The following PALM2AKAP2 variants were observed in gnomAD, a reference collection of about 807,000 sequenced individuals.
PALM2AKAP2 encodes the protein PALM2 and AKAP2 fusion, also known as PALM2-AKAP2 fusion protein.
PALM2AKAP2 carries 37 observed loss-of-function variants against 71.5 expected under a neutral mutation model. That is an observed-to-expected ratio of 0.52 (90% confidence interval 0.40 to 0.68). The LOEUF (loss-of-function observed/expected upper bound fraction) is 0.68, where lower values mean the gene tolerates loss of function less well. PALM2AKAP2 is among the 30% of genes least tolerant of loss of function. PALM2AKAP2 has a pLI of 0.00. For missense variants in PALM2AKAP2, 1,224 were observed against 1,191.8 expected (o/e 1.03, Z -0.40); for synonymous variants, 468 against 478.8 (o/e 0.98, Z 0.29).
At chr9:109,796,399 G>A (rs1255600767) in intron 1 of PALM2AKAP2, among the ~76,000 whole-genome samples, 1 of 152,098 alleles carries the variant, frequency 6.6e-6, no homozygotes, top group African/African-American at 2.4e-5. Flanking sequence ...GTAAAATCTA[G>A]TGGCAGTTCT....
At position 110,030,382 on chromosome 9, in the gene PALM2AKAP2, G is replaced by T. The variant is rs142416737; in HGVS notation, c.582+14343G>T. Among the ~76,000 whole-genome samples, 627 of 152,294 alleles carry T rather than the reference G, an allele frequency of 4.1e-3. 3 individuals are homozygous for T. Among genetic ancestry groups the T allele is most frequent in the African/African-American group, 0.014 (601 of 41,560 alleles). ...GTTGCTAATGGCAACTCAAGGAAGA[G>T]ACCAGAAGTAATTGTTTTCTTCTCT... On this transcript the variant is annotated intron_variant, in intron 7 of 9. Transcript: ENST00000302798.
intron 1 of PALM2AKAP2, among the ~76,000 whole-genome samples, chr9:110,117,472 T>A (rs950986059): frequency 1.3e-5 from 2 of 152,180 alleles, no homozygotes. Flanking sequence ...CCACTTCAGC[T>A]TTTCATCACC....
In PALM2AKAP2 at chr9:109,674,989, T is replaced by C. The variant is rs575078982; in HGVS notation, c.5+34123T>C. On this transcript the variant is annotated intron_variant, in intron 1 of 6. Coordinates refer to the PALM2AKAP2 transcript ENST00000374531. ...ACTTTCAGTATAATACTCAATAAAT[T>C]ACATGAGATACTCAACATTTTGTTA... Among the ~76,000 whole-genome samples the C allele has an allele frequency of 7.0e-4, 107 of 152,198 alleles. 1 individual carries two copies. The highest frequency in any genetic ancestry group is 2.7e-3 in the Admixed American group (41 of 15,278).
chr9:109,774,009 G>T (rs1587903338), intron 1 of PALM2AKAP2, among the ~76,000 whole-genome samples: 1 of 152,222 alleles, frequency 6.6e-6, no homozygotes, highest in Admixed American at 6.5e-5. Flanking sequence ...AGCCAGCAGG[G>T]TGGACAGGAT....
chr9:109,930,245 AGACAG>A (rs763261376), intron 5 of PALM2AKAP2, among the ~76,000 whole-genome samples: 288 of 146,522 alleles, frequency 2.0e-3, no homozygotes, highest in Non-Finnish European at 3.7e-3. Context: ...TTTTTTTTTG[AGACAG>A]AGTCTCACTC....
At chr9:109,962,028 C>T (rs1831860373) in intron 6 of PALM2AKAP2, among the ~76,000 whole-genome samples, 1 of 152,198 alleles carries the variant, frequency 6.6e-6, no homozygotes. Flanking sequence ...ACCAACATTG[C>T]ATGGGAGAGA....
At chr9:109,677,463 T>C (rs1827663991) in intron 1 of PALM2AKAP2, among the ~76,000 whole-genome samples, 1 of 151,768 alleles carries the variant, frequency 6.6e-6, no homozygotes, top group Non-Finnish European at 1.5e-5. Flanking sequence ...AGCTCAGGAG[T>C]TGAAGACCAG....
intron 1 of PALM2AKAP2, among the ~76,000 whole-genome samples, chr9:109,844,958 T>C (rs1469613966): frequency 6.7e-6 from 1 of 148,804 alleles, no homozygotes; most frequent in Non-Finnish European, 1.5e-5. Context: ...TGTGTGTGTG[T>C]GCATGTGCAC....
At chr9:109,868,721 A>T (rs1564188363) in intron 2 of PALM2AKAP2, among the ~76,000 whole-genome samples, 1 of 152,180 alleles carries the variant, frequency 6.6e-6, no homozygotes, top group Non-Finnish European at 1.5e-5. Context: ...TAACCAGAGA[A>T]ATGTGCTTAA....
At position 109,743,562 on chromosome 9, in the gene PALM2AKAP2, G is replaced by A. The variant is rs185156879; in HGVS notation, c.6-36926G>A. On this transcript the variant is annotated intron_variant, in intron 1 of 6. Coordinates refer to the PALM2AKAP2 transcript ENST00000374531. Reference sequence around the variant, plus strand: ...CTCACCTTATTTAAATATTTATATTGAAGAAGTAAGTTATAGGAAAGACTA... The same window carrying A: ...CTCACCTTATTTAAATATTTATATTAAAGAAGTAAGTTATAGGAAAGACTA... 3.3e-4 allele frequency among the ~76,000 whole-genome samples: 51 copies of A among 152,282 alleles called. 2 individuals carry two copies. The East Asian group carries it at 8.5e-3, about 25-fold the overall frequency.
At position 109,970,955 on chromosome 9, in the gene PALM2AKAP2, TA is replaced by T. The variant is rs375714521; in HGVS notation, c.496+38933del. ...AGACCCTGTGTCTACAAAAAAAATT[TA>T]AAAAATTATCTGGGCATGGTGGCAT... On this transcript the variant is annotated intron_variant, in intron 6 of 9. Transcript: ENST00000302798. 3.2e-3 allele frequency among the ~76,000 whole-genome samples: 484 copies of T among 152,072 alleles called. 1 individual carries two copies. The highest frequency in any genetic ancestry group is 0.011 in the East Asian group (56 of 5,172).
At chr9:109,784,869 TG>T (rs1392222012) in intron 1 of PALM2AKAP2, among the ~76,000 whole-genome samples, 4 of 152,098 alleles carry the variant, frequency 2.6e-5, no homozygotes, top group Non-Finnish European at 5.9e-5. Flanking sequence ...TCCATTGCAA[TG>T]GGAAAGCTTG....
chr9:109,828,749 G>A (rs1345990238), intron 1 of PALM2AKAP2, among the ~76,000 whole-genome samples: 1 of 152,236 alleles, frequency 6.6e-6, no homozygotes, highest in East Asian at 1.9e-4. Flanking sequence ...TGAATGTTGT[G>A]ACACTGACAT....
intron 3 of PALM2AKAP2, among the ~76,000 whole-genome samples, chr9:109,895,602 G>A (rs1280763114): frequency 6.6e-6 from 1 of 152,146 alleles, no homozygotes; most frequent in African/African-American, 2.4e-5. Flanking sequence ...CCTACTTCAG[G>A]TCGAACTATA....
At chr9:109,931,674 G>A (rs1831105035) in intron 5 of PALM2AKAP2, among the ~76,000 whole-genome samples, 1 of 152,176 alleles carries the variant, frequency 6.6e-6, no homozygotes, top group South Asian at 2.1e-4. Flanking sequence ...AGAATCTAGA[G>A]ATTTCTGATG....
chr9:109,798,541 T>C (rs977213832), intron 1 of PALM2AKAP2, among the ~76,000 whole-genome samples: 1 of 152,198 alleles, frequency 6.6e-6, no homozygotes, highest in African/African-American at 2.4e-5. Context: ...AGGAAAGGCA[T>C]AGAACCACAT....
chr9:109,731,348 T>C (rs1828554368), intron 1 of PALM2AKAP2, among the ~76,000 whole-genome samples: 2 of 152,248 alleles, frequency 1.3e-5, no homozygotes, highest in South Asian at 2.1e-4. Context: ...CTTATAGTAG[T>C]TTAGTTCTCA....
intron 1 of PALM2AKAP2, among the ~76,000 whole-genome samples, chr9:110,116,061 C>A (rs1239679544): frequency 6.6e-6 from 1 of 152,164 alleles, no homozygotes; most frequent in Non-Finnish European, 1.5e-5. Context: ...GTTCCCTGGA[C>A]TCAGCTCCCA....
intron 1 of PALM2AKAP2, among the ~76,000 whole-genome samples, chr9:110,087,799 T>C (rs906790457): frequency 6.6e-6 from 1 of 152,110 alleles, no homozygotes; most frequent in Admixed American, 6.5e-5. Context: ...GTGAGGAAGA[T>C]GGATGAGGTT....
Sources: allele counts gnomAD v4.1 joint callset (sites outside exome capture counted in the v4.1 genomes callset), GRCh38; gene constraint gnomAD v4.1.1; transcripts MANE v1.5; gene names NCBI Gene and HGNC (gene_info 2026-07-23, HGNC 2026-07-21).